CCDC50: variants seen among roughly 807,000 people sequenced by gnomAD.
CCDC50 encodes the protein coiled-coil domain containing 50, also known as coiled-coil domain-containing protein 50.
CCDC50 carries 54 observed loss-of-function variants against 70.2 expected under a neutral mutation model. The ratio of observed to expected loss-of-function variants is 0.77; its 90% CI spans 0.62 to 0.96. The LOEUF (loss-of-function observed/expected upper bound fraction) is 0.96. Ranked by LOEUF, CCDC50 falls within the 50% of genes least tolerant of loss-of-function variation. The pLI is 0.00. For synonymous variants in CCDC50, 216 were observed against 198.8 expected (o/e 1.09, Z -0.73); for missense variants, 558 against 578.7 (o/e 0.96, Z 0.37).
chr3:191,353,828 A>G lies in CCDC50; in HGVS notation c.50-3260A>G, dbSNP rs915361386. 1.9e-4 allele frequency among the ~76,000 whole-genome samples: 19 copies of G among 98,542 alleles called. 2 individuals are homozygous for G. The highest frequency in any genetic ancestry group is 6.0e-4 in the African/African-American group (19 of 31,812). The allele number at this position is 98,542 out of a possible 152,430, so 64.6% of individuals were successfully genotyped here. The stretch of plus-strand genomic sequence containing the variant: ...TTTGACAATACAACTCTCTGTGTGT[A>G]TGTGTTCATGTACTTCCTCATAATC... On this transcript the variant is annotated intron_variant, in intron 1 of 11. Transcript: ENST00000392455.
At chr3:191,389,651 AG>A in intron 11 of CCDC50, 49 bp downstream of exon 11, 1 of 1,383,306 alleles carries the variant, frequency 7.2e-7, no homozygotes. Flanking sequence ...TTTTTATATA[AG>A]CCTCGTGTTG....
chr3:191,384,377 C>T (rs1424794459), intron 10 of CCDC50, among the ~76,000 whole-genome samples: 1 of 152,124 alleles, frequency 6.6e-6, no homozygotes, highest in Non-Finnish European at 1.5e-5. Context: ...AGATACCTTG[C>T]ACAACTAATA....
intron 5 of CCDC50, 33 bp downstream of exon 5, chr3:191,370,069 C>A: frequency 7.0e-7 from 1 of 1,422,626 alleles, no homozygotes; most frequent in South Asian, 1.1e-5. Context: ...CTATTCTATC[C>A]TTAGACTCAA....
intron 1 of CCDC50, among the ~76,000 whole-genome samples, chr3:191,330,003 C>T (rs1370733259): frequency 1.3e-5 from 2 of 151,360 alleles, no homozygotes; most frequent in Admixed American, 6.6e-5. Context: ...TGTTCTCGTG[C>T]ATCGCAAAGC....
intron 1 of CCDC50, among the ~76,000 whole-genome samples, chr3:191,340,161 A>G (rs994906614): frequency 6.6e-6 from 1 of 152,212 alleles, no homozygotes; most frequent in African/African-American, 2.4e-5. Context: ...GTCTCCTCAC[A>G]GGTCAGGACA....
chr3:191,350,844 T>A (rs918792245), intron 1 of CCDC50, among the ~76,000 whole-genome samples: 1 of 142,116 alleles, frequency 7.0e-6, no homozygotes, highest in African/African-American at 2.5e-5. Flanking sequence ...AGAGTTAGTT[T>A]AGCAAAATGT....
chr3:191,385,611 T>G (rs1365197009), intron 10 of CCDC50, among the ~76,000 whole-genome samples: 1 of 152,228 alleles, frequency 6.6e-6, no homozygotes, highest in African/African-American at 2.4e-5. Context: ...GTCTCTTTAC[T>G]CTGTAGTTTC....
rs1187144509 is a variant in CCDC50, at chr3:191,364,180, T to G, written c.330+3021T>G. ...GCCTCCTGGGTTCAAGCGATTCCCC[T>G]GCCTCAGCCTCCTGAGTAGCTGGGA... On this transcript the variant is annotated intron_variant, in intron 4 of 11. Transcript: ENST00000392455. Among the ~76,000 whole-genome samples, 6 of 152,068 alleles carry G rather than the reference T, an allele frequency of 3.9e-5. No homozygotes were observed. In the East Asian group the frequency reaches 1.2e-3, roughly 29 times the overall value.
At chr3:191,389,274 G>A (rs1334320081) in intron 10 of CCDC50, among the ~76,000 whole-genome samples, 1 of 152,112 alleles carries the variant, frequency 6.6e-6, no homozygotes, top group Non-Finnish European at 1.5e-5. Flanking sequence ...AGTTGTTGAG[G>A]AGATAATTGT....
intron 1 of CCDC50, among the ~76,000 whole-genome samples, chr3:191,341,352 A>G (rs1711723540): frequency 6.6e-6 from 1 of 152,140 alleles, no homozygotes. Flanking sequence ...AGTCCTCACA[A>G]CATTTATCCT....
intron 10 of CCDC50, among the ~76,000 whole-genome samples, chr3:191,385,342 T>A (rs1022672083): frequency 6.6e-6 from 1 of 152,214 alleles, no homozygotes; most frequent in Non-Finnish European, 1.5e-5. Context: ...TGTTTGACTT[T>A]TTCATAGCCA....
At chr3:191,348,522 A>G (rs1712001817) in intron 1 of CCDC50, among the ~76,000 whole-genome samples, 3 of 142,468 alleles carry the variant, frequency 2.1e-5, no homozygotes. Flanking sequence ...TAGTGGGATT[A>G]TTATACTAAG....
Position 191,329,592 on chromosome 3 carries a change from T to C in CCDC50, c.-83T>C. On this transcript the variant is annotated 5_prime_UTR_variant, in exon 1 of 12. Transcript: ENST00000392455. ...CCGGACTTTGCGCCGCGTCCGGCGC[T>C]GCTGCTGCGCTCGGGGCCCCGCTCG... 6.8e-7 allele frequency: 1 copy of C among 1,460,472 alleles called. No homozygotes were observed. Among genetic ancestry groups the C allele is most frequent in the Non-Finnish European group, 9.3e-7 (1 of 1,070,080 alleles). 90.5% of individuals were successfully genotyped at this position (1,460,472 alleles called of 1,614,324 possible).
rs1292335767 is a variant in CCDC50 at position 191,361,095 on chromosome 3, A to C, written c.266A>C (p.Gln89Pro). 1 of 1,613,790 alleles carries C rather than the reference A, an allele frequency of 6.2e-7. No homozygotes were observed. The highest frequency in any genetic ancestry group is 2.2e-5 in the East Asian group (1 of 44,872). The change falls in exon 4 of 12, where the codon CAG (glutamine) becomes CCG (proline). Residue 89 changes from glutamine to proline, a missense_variant. By Grantham distance (76) the Gln-to-Pro change is moderately conservative (BLOSUM62 -1). Coordinates refer to ENST00000392455, the MANE Select transcript of CCDC50 (RefSeq NM_178335.3). ...GAACAACAAGACTGTGAAATTGCTC[A>C]GGAAATTCAGGAGAAGCTGGCTATT... ...DLEQQDCEIA[Q>P]EIQEKLAIEA...
chr3:191,389,442 G>C, intron 10 of CCDC50, 54 bp from the exon 11 acceptor site: 1 of 1,384,874 alleles, frequency 7.2e-7, no homozygotes, highest in Non-Finnish European at 1.0e-6. Flanking sequence ...AAGAGGGGTG[G>C]AGTTGTAGTA....
chr3:191,337,626 AGC>A (rs1223458602), intron 1 of CCDC50, among the ~76,000 whole-genome samples: 2 of 152,104 alleles, frequency 1.3e-5, no homozygotes, highest in African/African-American at 4.8e-5. Context: ...TACAAGCATT[AGC>A]CACTGCACCC....
chr3:191,374,439 A>C (rs1488707245), intron 5 of CCDC50, among the ~76,000 whole-genome samples: 1 of 152,002 alleles, frequency 6.6e-6, no homozygotes, highest in Non-Finnish European at 1.5e-5. Context: ...CATGAACTCA[A>C]AATTCTCATC....
chr3:191,338,955 A>G (rs937523507), intron 1 of CCDC50, among the ~76,000 whole-genome samples: 1 of 152,120 alleles, frequency 6.6e-6, no homozygotes, highest in African/African-American at 2.4e-5. Context: ...AGTTTCTTAG[A>G]TAGTATTGGG....
intron 4 of CCDC50, among the ~76,000 whole-genome samples, chr3:191,364,779 A>T (rs28585562): frequency 6.0e-5 from 9 of 149,820 alleles, no homozygotes; most frequent in African/African-American, 1.5e-4. Context: ...TGAAAAAAAA[A>T]TTTTTTTTTC....
Sources: gnomAD v4.1 joint callset for allele counts (sites outside exome capture counted in the v4.1 genomes callset) on GRCh38, gnomAD v4.1.1 for gene constraint, MANE v1.5 for transcripts, NCBI Gene and HGNC (gene_info 2026-07-23, HGNC 2026-07-21) for gene names.